The following PDE8A variants were observed in gnomAD, a reference collection of about 807,000 sequenced individuals.
The protein encoded by PDE8A is phosphodiesterase 8A.
In PDE8A, 59 loss-of-function variants were observed where a neutral mutation model predicts 105.0. The ratio of observed to expected loss-of-function variants is 0.56; its 90% CI spans 0.46 to 0.70. PDE8A has a LOEUF of 0.70. PDE8A is among the 30% of genes least tolerant of loss of function. The probability of loss-of-function intolerance (pLI) is 0.00; values close to 1 mark genes in which losing one functional copy is unlikely to be tolerated. For missense variants in PDE8A, 1,014 were observed against 1,045.9 expected (o/e 0.97, Z 0.42); for synonymous variants, 355 against 371.9 (o/e 0.95, Z 0.52).
chr15:85,078,552 A>G (rs1324100671), intron 5 of PDE8A, among the ~76,000 whole-genome samples: 3 of 124,502 alleles, frequency 2.4e-5, no homozygotes, highest in Non-Finnish European at 4.7e-5. Context: ...CCATCTCAAA[A>G]AAAAAAAAAA....
At chr15:85,102,934 C>G (rs2081889575) in intron 11 of PDE8A, among the ~76,000 whole-genome samples, 1 of 151,750 alleles carries the variant, frequency 6.6e-6, no homozygotes, top group Admixed American at 6.6e-5. Flanking sequence ...CAGAAAAGTT[C>G]AATGAGCCAG....
intron 5 of PDE8A, among the ~76,000 whole-genome samples, chr15:85,080,595 T>C (rs912277532): frequency 3.3e-5 from 5 of 152,158 alleles, no homozygotes; most frequent in African/African-American, 1.2e-4. Flanking sequence ...GATGCACTGT[T>C]GGAAATTTGT....
At chr15:84,982,953 A>C (rs2142133078) in intron 1 of PDE8A, among the ~76,000 whole-genome samples, 1 of 152,364 alleles carries the variant, frequency 6.6e-6, no homozygotes, top group South Asian at 2.1e-4. Flanking sequence ...GTAATTAGAA[A>C]ATACTGTGAA....
intron 1 of PDE8A, among the ~76,000 whole-genome samples, chr15:85,057,323 A>G (rs909960799): frequency 2.0e-5 from 3 of 152,072 alleles, no homozygotes; most frequent in Non-Finnish European, 4.4e-5. Flanking sequence ...GAGGACCACT[A>G]CTCTCTTCAA....
Position 85,068,025 on chromosome 15 carries a change from C to A in PDE8A, c.434+821C>A, listed in dbSNP as rs71397839. 2.0e-3 allele frequency among the ~76,000 whole-genome samples: 305 copies of A among 152,092 alleles called. 1 individual carries two copies. The highest frequency in any genetic ancestry group is 3.5e-3 in the Non-Finnish European group (240 of 67,950). On this transcript the variant is annotated intron_variant, in intron 3 of 21. Transcript: ENST00000394553. ...TCTGCATGACTTCACAATAAGCCATCATCATTGTAGCCCAGATTTCTTTTT... is the reference window on the plus strand; with the variant it reads ...TCTGCATGACTTCACAATAAGCCATAATCATTGTAGCCCAGATTTCTTTTT...
intron 12 of PDE8A, 96 bp downstream of exon 12, chr15:85,109,226 C>T (rs1335717170): frequency 4.0e-6 from 3 of 742,904 alleles, no homozygotes; most frequent in Non-Finnish European, 6.7e-6. Context: ...TGTCTACCTC[C>T]AATTCTTGGG....
rs1017381490 is a variant in PDE8A at position 85,138,679 on chromosome 15, A to G, written c.*776A>G. The G allele has an allele frequency of 6.6e-6, 1 of 152,254 alleles. No homozygotes were observed. Among genetic ancestry groups the G allele is most frequent in the African/African-American group, 2.4e-5 (1 of 41,444 alleles). The allele number at this position is 152,254 out of a possible 1,614,324, so 9.4% of individuals were successfully genotyped here. Reference sequence around the variant, plus strand: ...CTGGAAAAAGCTGGGGTCGTATTCTAAGTGCTAAAGAAGGCTGCTTCTACT... The same window carrying G: ...CTGGAAAAAGCTGGGGTCGTATTCTGAGTGCTAAAGAAGGCTGCTTCTACT... On this transcript the variant is annotated 3_prime_UTR_variant, in exon 22 of 22. Transcript: ENST00000394553.
intron 1 of PDE8A, among the ~76,000 whole-genome samples, chr15:85,000,068 G>A (rs779886141): frequency 6.6e-6 from 1 of 152,162 alleles, no homozygotes; most frequent in Non-Finnish European, 1.5e-5. Flanking sequence ...TTTGGCTTTG[G>A]TACTTATTTA....
intron 6 of PDE8A, among the ~76,000 whole-genome samples, chr15:85,083,984 A>G (rs898879695): frequency 2.0e-5 from 3 of 152,096 alleles, no homozygotes; most frequent in Non-Finnish European, 4.4e-5. Flanking sequence ...AACATTAGTT[A>G]TCTCTGGTAG....
intron 1 of PDE8A, among the ~76,000 whole-genome samples, chr15:84,987,465 C>CTTT (rs10656480): frequency 0.47 from 43,507 of 91,776 alleles, 10,636 homozygotes; most frequent in Non-Finnish European, 0.53. Context: ...GGATTGGTTC[C>CTTT]TTTTTTTTTT....
At chr15:84,989,445 G>T (rs889733872) in intron 1 of PDE8A, among the ~76,000 whole-genome samples, 1 of 152,160 alleles carries the variant, frequency 6.6e-6, no homozygotes, top group African/African-American at 2.4e-5. Context: ...CTGCTTATAG[G>T]ATAACCCAAA....
chr15:85,025,808 A>G lies in PDE8A; in HGVS notation c.187-38562A>G, dbSNP rs185148939. 9.5e-4 allele frequency among the ~76,000 whole-genome samples: 144 copies of G among 152,308 alleles called. 1 individual carries two copies. The highest frequency in any genetic ancestry group is 3.3e-3 in the African/African-American group (139 of 41,562). Reference sequence around the variant, plus strand: ...GACATCAGGTTATCCTTAGGAAGCCAGGAACACCTTGAGACTCGGGCCAGA... The same window carrying G: ...GACATCAGGTTATCCTTAGGAAGCCGGGAACACCTTGAGACTCGGGCCAGA... On this transcript the variant is annotated intron_variant, in intron 1 of 21. Transcript: ENST00000394553.
intron 1 of PDE8A, among the ~76,000 whole-genome samples, chr15:84,996,877 G>T (rs2079987870): frequency 1.4e-5 from 2 of 139,620 alleles, no homozygotes; most frequent in South Asian, 4.6e-4. Flanking sequence ...AAGGCACTTA[G>T]CATGAATGGG....
chr15:85,076,503 A>G (rs2081382555), intron 4 of PDE8A, among the ~76,000 whole-genome samples: 1 of 152,096 alleles, frequency 6.6e-6, no homozygotes, highest in African/African-American at 2.4e-5. Context: ...TATTCCTGCT[A>G]TTAATGTAGT....
chr15:85,097,808 A>T, intron 8 of PDE8A, 140 bp from the exon 9 acceptor site: 1 of 615,746 alleles, frequency 1.6e-6, no homozygotes, highest in East Asian at 2.8e-5. Context: ...TTGTCCTATT[A>T]CCTGAAATCA....
At chr15:85,130,484 A>G (rs2082315597) in intron 20 of PDE8A, among the ~76,000 whole-genome samples, 2 of 152,124 alleles carry the variant, frequency 1.3e-5, no homozygotes, top group Admixed American at 6.5e-5. Flanking sequence ...TTTGTGGCCT[A>G]TCATATGTTG....
At chr15:84,990,654 A>G (rs1000618481) in intron 1 of PDE8A, among the ~76,000 whole-genome samples, 4 of 152,162 alleles carry the variant, frequency 2.6e-5, no homozygotes, top group African/African-American at 7.2e-5. Flanking sequence ...GGCTGTTTCT[A>G]ATTTTTGGCT....
chr15:85,079,034 G>T (rs1031833523), intron 5 of PDE8A, among the ~76,000 whole-genome samples: 8 of 152,148 alleles, frequency 5.3e-5, no homozygotes, highest in Non-Finnish European at 8.8e-5. Context: ...GGAGGGAAAA[G>T]TAGTGAGCTA....
intron 2 of PDE8A, among the ~76,000 whole-genome samples, chr15:85,066,583 A>AACACAC (rs57124766): frequency 0.051 from 5,980 of 116,384 alleles, 248 homozygotes; most frequent in Admixed American, 0.074. Context: ...ATCCCCCCAA[A>AACACAC]ACACACACAC....
Sources: gnomAD v4.1 joint callset for allele counts (sites outside exome capture counted in the v4.1 genomes callset) on GRCh38, gnomAD v4.1.1 for gene constraint, MANE v1.5 for transcripts, NCBI Gene and HGNC (gene_info 2026-07-23, HGNC 2026-07-21) for gene names.